Variants in EDRF1 observed in about 807,000 individuals in gnomAD.
The protein encoded by EDRF1 is erythroid differentiation-related factor 1.
EDRF1 carries 69 observed loss-of-function variants against 148.7 expected under a neutral mutation model. The ratio of observed to expected loss-of-function variants is 0.46; its 90% confidence interval spans 0.38 to 0.57. The LOEUF (loss-of-function observed/expected upper bound fraction) is 0.57, where lower values mean the gene tolerates loss of function less well. EDRF1 is among the 20% of genes least tolerant of loss of function. EDRF1 has a pLI of 0.00. For missense variants in EDRF1, 1,118 were observed against 1,478.7 expected (o/e 0.76, Z 4.00); for synonymous variants, 515 against 532.8 (o/e 0.97, Z 0.46).
At chr10:125,747,387 T>G (rs1365967269) in intron 19 of EDRF1, 149 bp from the exon 20 acceptor site, 2 of 914,810 alleles carry the variant, frequency 2.2e-6, no homozygotes, top group Non-Finnish European at 3.4e-6. Flanking sequence ...ATTGACTTAC[T>G]TTTTTCATTT....
At chr10:125,753,217 T>C (rs936822041) in intron 23 of EDRF1, among the ~76,000 whole-genome samples, 1 of 152,240 alleles carries the variant, frequency 6.6e-6, no homozygotes, top group Admixed American at 6.5e-5. Context: ...GTTTTATGTT[T>C]TAAAAGAAAA....
chr10:125,742,266 C>T lies in EDRF1; in HGVS notation c.2372-792C>T, dbSNP rs895163452. 3 of 1,289,218 alleles carry T rather than the reference C, an allele frequency of 2.3e-6. No individual in the cohort carries two copies. In the African/African-American group the frequency reaches 4.6e-5, roughly 20 times the overall value. The allele number at this position is 1,289,218 out of a possible 1,614,324, so 79.9% of individuals were successfully genotyped here. On this transcript the variant is annotated intron_variant, in intron 17 of 24. Transcript: ENST00000356792. ...ATAATCTGATCCGCAGCAGCGATAT[C>T]CCTCCCTCTTACCTCAGCACAGTGT...
In EDRF1 at chr10:125,763,382, C is replaced by T. The variant is rs144419515; in HGVS notation, c.3627C>T (p.Thr1209=). The change falls in exon 25 of 25, where the codon ACC becomes ACT. Residue 1209 remains threonine, a synonymous_variant. Coordinates refer to ENST00000356792, the MANE Select transcript of EDRF1 (RefSeq NM_001202438.2). This position sits in a 1 kb window ranked among gnomAD's most constrained non-coding sequence, Gnocchi z 4.3. The part of the protein sequence containing the change: ...SQLLRATANK[T]ATLLERINVI... Reference sequence around the variant, plus strand: ...TTTTGAGAGCAACTGCAAATAAAACCGCGACTCTTCTGGAAAGAATCAACG... The same window carrying T: ...TTTTGAGAGCAACTGCAAATAAAACTGCGACTCTTCTGGAAAGAATCAACG... 312 of 1,613,346 alleles carry T rather than the reference C, an allele frequency of 1.9e-4. 3 individuals are homozygous for T. The South Asian group carries it at 2.0e-3, about 10-fold the overall frequency.
intron 18 of EDRF1, 71 bp downstream of exon 18, chr10:125,743,347 A>G: frequency 7.7e-7 from 1 of 1,294,742 alleles, no homozygotes; most frequent in Non-Finnish European, 1.1e-6. Context: ...GTATGAGTCA[A>G]GCAAAGAACT....
chr10:125,742,558 A>G (rs1849084786), intron 17 of EDRF1: 1 of 985,272 alleles, frequency 1.0e-6, no homozygotes, highest in South Asian at 4.7e-5. Context: ...GTAGTAGGAA[A>G]GTCCTTGGTG....
intron 9 of EDRF1, among the ~76,000 whole-genome samples, chr10:125,732,478 T>A (rs1193119549): frequency 6.6e-6 from 1 of 152,152 alleles, no homozygotes; most frequent in Non-Finnish European, 1.5e-5. Context: ...AATTGAAGCA[T>A]CATCTGCCTA....
chr10:125,725,651 AGCAATCC>A (rs1848223304), intron 5 of EDRF1, 24 bp from the exon 6 acceptor site: 1 of 1,613,680 alleles, frequency 6.2e-7, no homozygotes, highest in African/African-American at 1.3e-5. Flanking sequence ...CTTTAGTAAC[AGCAATCC>A]TTTTTTATTT....
Position 125,735,781 on chromosome 10 carries a change from T to G in EDRF1, c.1635T>G (p.Ser545Arg). 6.2e-7 allele frequency: 1 copy of G among 1,613,852 alleles called. No individual in the cohort carries two copies. The highest frequency in any genetic ancestry group is 1.7e-4 in the Middle Eastern group (1 of 6,060). The part of the protein sequence containing the change: ...YSEEEEEMPD[S>R]DENGSYSTSS... ...AAGAGGAGGAAGAGATGCCCGACAG[T>G]GATGAAAATGGATCCTATAGCACCA... Residue 545 changes from serine to arginine, a missense_variant, in exon 13 of 25, where the codon AGT becomes AGG. Ser to Arg is a moderately radical substitution (Grantham distance 110). Transcript: ENST00000356792.
At chr10:125,725,582 T>G (rs1172770356) in intron 5 of EDRF1, 100 bp from the exon 6 acceptor site, 1 of 1,570,280 alleles carries the variant, frequency 6.4e-7, no homozygotes, top group Non-Finnish European at 8.7e-7. Context: ...TTTTACAAGA[T>G]GTATGCTTAA....
chr10:125,758,366 G>A (rs1165781686), intron 24 of EDRF1, among the ~76,000 whole-genome samples: 2 of 152,168 alleles, frequency 1.3e-5, no homozygotes, highest in East Asian at 3.8e-4. Flanking sequence ...TCTCTTGGAA[G>A]TATGTTGTTT....
chr10:125,729,277 C>G (rs947290888), intron 7 of EDRF1, 81 bp from the exon 8 acceptor site: 246 of 1,563,520 alleles, frequency 1.6e-4, no homozygotes, highest in Non-Finnish European at 2.1e-4. Context: ...TTGTCTCTTC[C>G]TTTTTCTAGT....
chr10:125,720,362 C>T (rs1000829607), intron 1 of EDRF1, among the ~76,000 whole-genome samples: 3 of 152,156 alleles, frequency 2.0e-5, no homozygotes, highest in East Asian at 1.9e-4. Flanking sequence ...GAGGAACGAA[C>T]CCCCAATGCC....
intron 21 of EDRF1, 21 bp downstream of exon 21, chr10:125,748,033 G>C: frequency 3.7e-6 from 6 of 1,613,872 alleles, no homozygotes; most frequent in Non-Finnish European, 4.2e-6. Flanking sequence ...TCCAAGTTAA[G>C]TACAGTGCCA....
In EDRF1 at chr10:125,741,192, A is replaced by G. The variant is rs1848998321; in HGVS notation, c.2362A>G (p.Ser788Gly). Reference sequence around the variant, plus strand: ...CCTGCATAGCCTTCACAGAGAGTCCAGTTGCCAAGGTGTGCCACAGGCTTG... The same window carrying G: ...CCTGCATAGCCTTCACAGAGAGTCCGGTTGCCAAGGTGTGCCACAGGCTTG... ...EILHSLHRES[S>G]CQGFAWATDL... Residue 788 changes from serine (S) to glycine (G), a missense_variant, in exon 17 of 25, where the codon AGT becomes GGT. Coordinates refer to ENST00000356792, the MANE Select transcript of EDRF1 (RefSeq NM_001202438.2). 6.2e-7 allele frequency: 1 copy of G among 1,614,218 alleles called. No homozygotes were observed. Among genetic ancestry groups the G allele is most frequent in the Non-Finnish European group, 8.5e-7 (1 of 1,180,030 alleles).
Position 125,763,698 on chromosome 10 carries a change from A to C in EDRF1, c.*226A>C, listed in dbSNP as rs1850287299. ...ATCAAACTTAAAGCTTCCACTATTT[A>C]TGTCTTTGAGAAGTATGTAGTACCT... On this transcript the variant is annotated 3_prime_UTR_variant, in exon 25 of 25. Coordinates refer to ENST00000356792, the MANE Select transcript of EDRF1 (RefSeq NM_001202438.2). The surrounding 1 kb of genome is among the most constrained non-coding windows in gnomAD (Gnocchi z 4.3). The C allele has an allele frequency of 3.4e-6, 2 of 587,522 alleles. No homozygotes were observed. Among genetic ancestry groups the C allele is most frequent in the South Asian group, 4.0e-5 (2 of 49,966 alleles). 36.4% of individuals were successfully genotyped at this position (587,522 alleles called of 1,614,324 possible).
chr10:125,720,823 AAAAAG>A (rs1847957253), intron 1 of EDRF1, among the ~76,000 whole-genome samples: 1 of 152,142 alleles, frequency 6.6e-6, no homozygotes, highest in Non-Finnish European at 1.5e-5. Context: ...AAAAAAAAAA[AAAAAG>A]AATTAAAATA....
Position 125,747,755 on chromosome 10 carries a change from A to G in EDRF1, c.2973+61A>G, listed in dbSNP as rs2133743118. The G allele has an allele frequency of 2.5e-6, 4 of 1,611,176 alleles. No individual in the cohort carries two copies. The East Asian group carries it at 8.9e-5, about 36-fold the overall frequency. On this transcript the variant is annotated intron_variant, in intron 20 of 24. Coordinates refer to ENST00000356792, the MANE Select transcript of EDRF1 (RefSeq NM_001202438.2). ...AATCTAATTCCCTTGTTTAACAAATATTTAGCGTCTGTTGTCTTTTCCCTA... is the reference window on the plus strand; with the variant it reads ...AATCTAATTCCCTTGTTTAACAAATGTTTAGCGTCTGTTGTCTTTTCCCTA...
At chr10:125,738,796 CTTT>C (rs1848863422) in intron 15 of EDRF1, among the ~76,000 whole-genome samples, 1 of 152,156 alleles carries the variant, frequency 6.6e-6, no homozygotes, top group South Asian at 2.1e-4. Context: ...TGCTCCACTT[CTTT>C]GAGTCACTTT....
chr10:125,742,916 ATTG>A (rs1235192436), intron 17 of EDRF1, 139 bp from the exon 18 acceptor site: 6 of 1,327,310 alleles, frequency 4.5e-6, no homozygotes, highest in African/African-American at 3.0e-5. Context: ...AAACTTAAAT[ATTG>A]TTGTATTGAT....
Sources: allele counts gnomAD v4.1 joint callset (sites outside exome capture counted in the v4.1 genomes callset), GRCh38; gene constraint gnomAD v4.1.1; non-coding constraint Gnocchi (gnomAD v3.1); transcripts MANE v1.5; gene names NCBI Gene and HGNC (gene_info 2026-07-23, HGNC 2026-07-21).